The following PCMTD1 variants were observed in gnomAD, a reference collection of about 807,000 sequenced individuals.
The protein encoded by PCMTD1 is protein-L-isoaspartate O-methyltransferase domain-containing protein 1.
Under a neutral mutation model 37.6 loss-of-function variants are expected in PCMTD1, and 12 were observed. The ratio of observed to expected loss-of-function variants is 0.32; its 90% CI spans 0.20 to 0.52. PCMTD1 has a LOEUF of 0.52. Among genes scored for constraint, PCMTD1 ranks in the 20% least tolerant of loss-of-function variants. The pLI is 0.97. For synonymous variants in PCMTD1, 117 were observed against 135.8 expected, an observed-to-expected ratio of 0.86 and a Z score of 0.96; for missense variants, 235 against 421.3, an observed-to-expected ratio of 0.56 and a Z score of 3.87.
At chr8:51,843,494 T>TA (rs1302729925) in intron 3 of PCMTD1, among the ~76,000 whole-genome samples, 1 of 152,070 alleles carries the variant, frequency 6.6e-6, no homozygotes, top group Non-Finnish European at 1.5e-5. Context: ...CATATCACTG[T>TA]ATTTTACGAT....
chr8:51,879,230 A>G (rs7012946), intron 1 of PCMTD1, among the ~76,000 whole-genome samples: 110,607 of 148,576 alleles, frequency 0.74, 46,203 homozygotes, highest in Non-Finnish European at 0.94. Flanking sequence ...ACTTGAGGGG[A>G]AAAAAAAAAA....
In PCMTD1 at chr8:51,823,509, T is replaced by C. The variant is rs555218711; in HGVS notation, c.707-2791A>G. Among the ~76,000 whole-genome samples, 217 of 152,282 alleles carry C rather than the reference T, an allele frequency of 1.4e-3. 2 individuals are homozygous for C. The highest frequency in any genetic ancestry group is 7.2e-4 in the Non-Finnish European group (49 of 68,020). On this transcript the variant is annotated intron_variant, in intron 5 of 5. Coordinates refer to ENST00000522514, the MANE Select transcript of PCMTD1 (RefSeq NM_052937.4). ...GTTCTTTTGAATGACACAAAACCTT[T>C]TAGATAAGTCTCAGTCCTAATTATT...
At chr8:51,860,523 T>C (rs1369977603) in intron 2 of PCMTD1, 3 of 188,986 alleles carry the variant, frequency 1.6e-5, no homozygotes, top group African/African-American at 7.0e-5. Context: ...CATCAAACTT[T>C]ATATGCCAGA....
intron 1 of PCMTD1, among the ~76,000 whole-genome samples, chr8:51,868,054 C>T (rs1237265549): frequency 1.3e-5 from 2 of 152,090 alleles, no homozygotes; most frequent in Non-Finnish European, 2.9e-5. Context: ...TCATTCCACA[C>T]TGTAAACATA....
chr8:51,891,605 G>A (rs756955624), intron 1 of PCMTD1, among the ~76,000 whole-genome samples: 1 of 149,818 alleles, frequency 6.7e-6, no homozygotes, highest in Non-Finnish European at 1.5e-5. Context: ...AGCATAGAAT[G>A]CCTGGAAAAT....
At chr8:51,836,498 T>C (rs921884997) in intron 3 of PCMTD1, among the ~76,000 whole-genome samples, 1 of 152,198 alleles carries the variant, frequency 6.6e-6, no homozygotes, top group Admixed American at 6.5e-5. Flanking sequence ...ATTTTCCTGC[T>C]GTCTTTGAAT....
rs190130044 is a variant in PCMTD1 at position 51,859,894 on chromosome 8, A to G, written c.307+951T>C. Among the ~76,000 whole-genome samples, 25 of 113,306 alleles carry G rather than the reference A, an allele frequency of 2.2e-4. No individual in the cohort carries two copies. The East Asian group carries it at 6.0e-3, about 27-fold the overall frequency. The allele number at this position is 113,306 out of a possible 152,430, so 74.3% of individuals were successfully genotyped here. On this transcript the variant is annotated intron_variant, in intron 2 of 5. Transcript: ENST00000522514. Reference sequence around the variant, plus strand: ...ACTATAGTACCTATCAGACTAGATGAAGGCTGTTGATTTTGTCTTCTCACA... The same window carrying G: ...ACTATAGTACCTATCAGACTAGATGGAGGCTGTTGATTTTGTCTTCTCACA...
chr8:51,874,716 T>TA (rs1052954594), intron 1 of PCMTD1, among the ~76,000 whole-genome samples: 70 of 152,340 alleles, frequency 4.6e-4, no homozygotes, highest in African/African-American at 1.6e-3. Context: ...ATGCTTTCAA[T>TA]AAAAAATTAC....
intron 2 of PCMTD1, among the ~76,000 whole-genome samples, chr8:51,846,228 C>T (rs1165500105): frequency 1.3e-5 from 2 of 152,224 alleles, no homozygotes; most frequent in Non-Finnish European, 2.9e-5. Context: ...TCCCACCCCA[C>T]TCCATGCCTT....
intron 2 of PCMTD1, among the ~76,000 whole-genome samples, chr8:51,846,692 C>T (rs1376714461): frequency 6.6e-6 from 1 of 152,178 alleles, no homozygotes; most frequent in Middle Eastern, 3.2e-3. Context: ...TCTAAAACAA[C>T]AGTGCATATT....
chr8:51,820,855 T>C (rs2037837835), intron 5 of PCMTD1, 137 bp from the exon 6 acceptor site: 3 of 1,059,852 alleles, frequency 2.8e-6, no homozygotes, highest in Admixed American at 3.1e-5. Flanking sequence ...CTACCTTTCA[T>C]CTAACAAAGG....
intron 1 of PCMTD1, among the ~76,000 whole-genome samples, chr8:51,874,567 CA>C (rs2038685604): frequency 6.6e-6 from 1 of 152,072 alleles, no homozygotes; most frequent in African/African-American, 2.4e-5. Context: ...CCTTTAAAAT[CA>C]TAAAGAATTA....
intron 1 of PCMTD1, among the ~76,000 whole-genome samples, chr8:51,891,310 G>A (rs1352351711): frequency 1.3e-5 from 2 of 152,144 alleles, no homozygotes; most frequent in Non-Finnish European, 2.9e-5. Context: ...TCCACTTTGG[G>A]AGGACAAGGC....
intron 1 of PCMTD1, among the ~76,000 whole-genome samples, chr8:51,885,773 C>T (rs1434294109): frequency 6.6e-6 from 1 of 152,130 alleles, no homozygotes; most frequent in Non-Finnish European, 1.5e-5. Flanking sequence ...CTCAACACCA[C>T]AGAAGAGTGG....
intron 1 of PCMTD1, among the ~76,000 whole-genome samples, chr8:51,881,681 CA>C (rs2038794910): frequency 6.6e-6 from 1 of 151,792 alleles, no homozygotes; most frequent in African/African-American, 2.4e-5. Flanking sequence ...AATTATTCTT[CA>C]AAAAAACCTT....
At chr8:51,867,727 C>A (rs1452227519) in intron 1 of PCMTD1, among the ~76,000 whole-genome samples, 3 of 151,838 alleles carry the variant, frequency 2.0e-5, no homozygotes, top group Non-Finnish European at 4.4e-5. Flanking sequence ...GAAAGACAAA[C>A]ACTACATGAT....
At chr8:51,830,298 TC>T (rs1279771941) in intron 5 of PCMTD1, among the ~76,000 whole-genome samples, 1 of 152,234 alleles carries the variant, frequency 6.6e-6, no homozygotes, top group Non-Finnish European at 1.5e-5. Context: ...TTGAGGGGTC[TC>T]CATTTATAAC....
intron 5 of PCMTD1, among the ~76,000 whole-genome samples, chr8:51,822,457 G>A (rs1004519078): frequency 6.6e-6 from 1 of 152,134 alleles, no homozygotes; most frequent in Non-Finnish European, 1.5e-5. Context: ...AAGATACAGG[G>A]GAGAACAGGT....
intron 1 of PCMTD1, among the ~76,000 whole-genome samples, chr8:51,870,060 G>A (rs1401392508): frequency 6.6e-6 from 1 of 152,160 alleles, no homozygotes; most frequent in Non-Finnish European, 1.5e-5. Flanking sequence ...GCACTGACAA[G>A]TTAAAGGAGG....
Sources: allele counts gnomAD v4.1 joint callset (sites outside exome capture counted in the v4.1 genomes callset), GRCh38; gene constraint gnomAD v4.1.1; transcripts MANE v1.5; gene names NCBI Gene and HGNC (gene_info 2026-07-23, HGNC 2026-07-21).